CACNA1C: variants seen among roughly 807,000 people sequenced by gnomAD.
CACNA1C encodes voltage-dependent L-type calcium channel subunit alpha-1C.
Under a neutral mutation model 229.0 loss-of-function variants are expected in CACNA1C, and 30 were observed. The observed-to-expected ratio is 0.13, with a 90% CI of 0.10 to 0.18. The LOEUF is 0.18. CACNA1C is among the 10% of genes least tolerant of loss of function. The pLI, the probability that CACNA1C is intolerant of heterozygous loss-of-function variation, is 1.00. For synonymous variants in CACNA1C, 1,114 were observed against 1,132.5 expected, an observed-to-expected ratio of 0.98 and a Z score of 0.33; for missense variants, 1,658 against 2,845.0, an observed-to-expected ratio of 0.58 and a Z score of 9.49.
Position 2,632,087 on chromosome 12 carries a change from C to T in CACNA1C, c.3829-2210C>T, listed in dbSNP as rs1035042705. Among the ~76,000 whole-genome samples the T allele has an allele frequency of 5.3e-5, 8 of 151,978 alleles. No homozygotes were observed. The highest frequency in any genetic ancestry group is 1.7e-4 in the African/African-American group (7 of 41,368). On this transcript the variant is annotated intron_variant, in intron 29 of 46. Coordinates refer to ENST00000399655, the MANE Select transcript of CACNA1C (RefSeq NM_000719.7). This position sits in a 1 kb window ranked among gnomAD's most constrained non-coding sequence, Gnocchi z 4.1. ...CGCTTCATGCTTTCATACCCCACTC[C>T]GACCTCAGAATTCCACCTCCTGGAA...
chr12:2,045,796 C>T (rs1319095611), intron 1 of CACNA1C, among the ~76,000 whole-genome samples: 1 of 151,940 alleles, frequency 6.6e-6, no homozygotes, highest in Non-Finnish European at 1.5e-5. Context: ...AAGTCCATGT[C>T]CTAATCCCCA....
chr12:2,232,245 T>TG (rs2065549516), intron 3 of CACNA1C, among the ~76,000 whole-genome samples: 3 of 145,340 alleles, frequency 2.1e-5, no homozygotes, highest in South Asian at 2.3e-4. Flanking sequence ...TTTTTTTTTT[T>TG]TTTTTTTGTT....
chr12:2,217,809 C>G (rs770859204), intron 3 of CACNA1C: 8 of 152,204 alleles, frequency 5.3e-5, no homozygotes, highest in Non-Finnish European at 1.0e-4. Flanking sequence ...ATCGGTGTGA[C>G]CTTGGGCCTC....
At chr12:2,122,350 T>G (rs943253762) in intron 3 of CACNA1C, among the ~76,000 whole-genome samples, 5 of 152,190 alleles carry the variant, frequency 3.3e-5, no homozygotes, top group Non-Finnish European at 5.9e-5. Context: ...TGCAGATGAC[T>G]TCTCATTCTC....
chr12:2,673,431 A>C (rs977668678), intron 38 of CACNA1C, among the ~76,000 whole-genome samples: 2 of 144,348 alleles, frequency 1.4e-5, no homozygotes, highest in East Asian at 2.1e-4. Context: ...GCGCCATTGC[A>C]CTCCAGCCTG....
At chr12:2,428,964 A>G (rs1377868285) in intron 3 of CACNA1C, among the ~76,000 whole-genome samples, 2 of 152,232 alleles carry the variant, frequency 1.3e-5, no homozygotes, top group African/African-American at 4.8e-5. Flanking sequence ...TAAGACAACA[A>G]AAATGTATAC....
intron 1 of CACNA1C, among the ~76,000 whole-genome samples, chr12:2,102,690 C>G (rs1395848850): frequency 6.6e-6 from 1 of 152,048 alleles, no homozygotes; most frequent in East Asian, 1.9e-4. Flanking sequence ...GCCCATCAAC[C>G]CATCATCTAC....
chr12:2,333,389 C>G (rs985023959), intron 3 of CACNA1C, among the ~76,000 whole-genome samples: 30 of 152,314 alleles, frequency 2.0e-4, no homozygotes, highest in African/African-American at 7.2e-4. Flanking sequence ...CGCTGGCCCC[C>G]ACGCTGCCAT....
At chr12:2,017,046 GT>G (rs944783827) in intron 1 of CACNA1C, among the ~76,000 whole-genome samples, 16 of 152,330 alleles carry the variant, frequency 1.1e-4, no homozygotes, top group African/African-American at 3.6e-4. Flanking sequence ...GGAATTTGGA[GT>G]TTATTCTCTA....
At chr12:2,584,050 C>G (rs1291635459) in intron 15 of CACNA1C, among the ~76,000 whole-genome samples, 12 of 152,214 alleles carry the variant, frequency 7.9e-5, no homozygotes, top group Admixed American at 7.8e-4. Flanking sequence ...CTCCAAGGGT[C>G]TTCGTGGGTG....
chr12:2,558,298 T>A (rs1332256644), intron 11 of CACNA1C, among the ~76,000 whole-genome samples: 1 of 152,246 alleles, frequency 6.6e-6, no homozygotes, highest in Non-Finnish European at 1.5e-5. Flanking sequence ...AACTGCTGTC[T>A]GAACTGGTAC....
intron 3 of CACNA1C, among the ~76,000 whole-genome samples, chr12:2,195,506 C>T (rs951128298): frequency 1.3e-5 from 2 of 152,188 alleles, no homozygotes; most frequent in African/African-American, 2.4e-5. Flanking sequence ...TCCCTTATTT[C>T]AGTGACAAGT....
intron 1 of CACNA1C, among the ~76,000 whole-genome samples, chr12:2,098,042 C>T (rs934313543): frequency 2.0e-5 from 3 of 152,246 alleles, no homozygotes; most frequent in South Asian, 4.2e-4. Flanking sequence ...AGAGAAGGAA[C>T]GTGATTTGTC....
At position 2,679,645 on chromosome 12, in the gene CACNA1C, G is replaced by A. The variant is rs200937586; in HGVS notation, c.5293G>A (p.Ala1765Thr). Residue 1765 changes from alanine (A) to threonine (T), a missense_variant, in exon 42 of 47, where the codon GCC becomes ACC. Around this residue, in one of 20 missense-constraint regions of CACNA1C, gnomAD observed 590 missense variants for 700.8 expected, o/e 0.84. Coordinates refer to ENST00000399655, the MANE Select transcript of CACNA1C (RefSeq NM_000719.7). This position sits in a 1 kb window ranked among gnomAD's most constrained non-coding sequence, Gnocchi z 5.5. ...PSSYSSTGSN[A>T]NINNANNTAL... ...CAGCTACTCGTCCACCGGCTCCAAC[G>A]CCAACATCAACAACGCCAACAACAC... 63 of 1,613,800 alleles carry A rather than the reference G, an allele frequency of 3.9e-5. No homozygotes were observed. The highest frequency in any genetic ancestry group is 2.2e-5 in the East Asian group (1 of 44,870).
chr12:2,358,893 C>T (rs1263920926), intron 3 of CACNA1C, among the ~76,000 whole-genome samples: 2 of 152,066 alleles, frequency 1.3e-5, no homozygotes, highest in Non-Finnish European at 2.9e-5. Flanking sequence ...ATTTCTGTGC[C>T]TCTTCCACTG....
chr12:2,682,011 A>C, intron 42 of CACNA1C: 3 of 1,611,684 alleles, frequency 1.9e-6, no homozygotes, highest in Middle Eastern at 1.7e-4. Flanking sequence ...CTCAGCAGGG[A>C]CTCAGGCTCA....
chr12:2,373,183 CT>C (rs1179591365), intron 3 of CACNA1C, among the ~76,000 whole-genome samples: 1 of 152,150 alleles, frequency 6.6e-6, no homozygotes. Context: ...GCCTTTCAGC[CT>C]TCCTTGGGGA....
Position 2,457,579 on chromosome 12 carries a change from A to C in CACNA1C, c.630A>C (p.Ala210=). The change falls in exon 5 of 47, where the codon GCA becomes GCC. Residue 210 remains alanine, a synonymous_variant. Coordinates refer to ENST00000399655, the MANE Select transcript of CACNA1C (RefSeq NM_000719.7). Reference sequence around the variant, plus strand: ...TCCTCTCTTCTAGGCTTTTTAGTGCAATTTTAGAACAAGCAACCAAAGCAG... The same window carrying C: ...TCCTCTCTTCTAGGCTTTTTAGTGCCATTTTAGAACAAGCAACCAAAGCAG... ...FIIVVVGLFS[A]ILEQATKADG... is the part of the protein sequence containing the mutation. 1 of 1,610,894 alleles carries C rather than the reference A, an allele frequency of 6.2e-7. No individual in the cohort carries two copies. The highest frequency in any genetic ancestry group is 8.5e-7 in the Non-Finnish European group (1 of 1,178,402).
chr12:2,199,259 C>T (rs750941549), intron 3 of CACNA1C, among the ~76,000 whole-genome samples: 25 of 152,234 alleles, frequency 1.6e-4, no homozygotes, highest in Admixed American at 9.2e-4. Context: ...TTGAACAGTA[C>T]GGGTTTGAAC....
Sources: allele counts gnomAD v4.1 joint callset (sites outside exome capture counted in the v4.1 genomes callset), GRCh38; gene constraint gnomAD v4.1.1; regional missense constraint gnomAD v4.1.1; non-coding constraint Gnocchi (gnomAD v3.1); transcripts MANE v1.5; gene names NCBI Gene and HGNC (gene_info 2026-07-23, HGNC 2026-07-21).